ADAMTS12: variants seen among roughly 807,000 people sequenced by gnomAD.
The protein encoded by ADAMTS12 is A disintegrin and metalloproteinase with thrombospondin motifs 12.
Under a neutral mutation model 167.8 loss-of-function variants are expected in ADAMTS12, and 118 were observed. The ratio of observed to expected loss-of-function variants is 0.70; its 90% CI spans 0.61 to 0.82. The LOEUF (loss-of-function observed/expected upper bound fraction) is 0.82. ADAMTS12 is among the 40% of genes least tolerant of loss of function. The probability of loss-of-function intolerance (pLI) is 0.00; values close to 1 mark genes in which losing one functional copy is unlikely to be tolerated. For missense variants in ADAMTS12, 1,916 were observed against 1,998.8 expected (o/e 0.96, Z 0.79); for synonymous variants, 704 against 716.9 (o/e 0.98, Z 0.29).
chr5:33,889,929 G>C (rs1750783500), intron 1 of ADAMTS12, among the ~76,000 whole-genome samples: 1 of 152,186 alleles, frequency 6.6e-6, no homozygotes, highest in African/African-American at 2.4e-5. Context: ...TCCAGCCTGA[G>C]AGACAGAGCA....
At chr5:33,875,744 G>C (rs1750205621) in intron 2 of ADAMTS12, among the ~76,000 whole-genome samples, 1 of 152,124 alleles carries the variant, frequency 6.6e-6, no homozygotes, top group African/African-American at 2.4e-5. Flanking sequence ...CCTAAGACTG[G>C]AGAAAAGGCA....
intron 3 of ADAMTS12, among the ~76,000 whole-genome samples, chr5:33,730,813 T>C (rs1426964628): frequency 1.3e-5 from 2 of 152,272 alleles, no homozygotes; most frequent in African/African-American, 2.4e-5. Context: ...ACCCTTTGCA[T>C]GGTCCTTTAA....
At chr5:33,635,035 G>C (rs1740125142) in intron 12 of ADAMTS12, among the ~76,000 whole-genome samples, 1 of 151,992 alleles carries the variant, frequency 6.6e-6, no homozygotes, top group Admixed American at 6.6e-5. Flanking sequence ...CTGTATTGAT[G>C]TATTATATTA....
At chr5:33,845,512 G>C (rs1748912044) in intron 2 of ADAMTS12, among the ~76,000 whole-genome samples, 1 of 152,142 alleles carries the variant, frequency 6.6e-6, no homozygotes, top group Non-Finnish European at 1.5e-5. Flanking sequence ...ATTAAATAAT[G>C]ATGTTACATT....
chr5:33,579,502 T>C (rs1935139934), intron 18 of ADAMTS12, among the ~76,000 whole-genome samples: 1 of 152,278 alleles, frequency 6.6e-6, no homozygotes. Context: ...ACTTGAAATG[T>C]TGCTAATATC....
chr5:33,873,945 A>C (rs1048907266), intron 2 of ADAMTS12, among the ~76,000 whole-genome samples: 12 of 152,222 alleles, frequency 7.9e-5, no homozygotes, highest in African/African-American at 2.7e-4. Flanking sequence ...TGACAGAGTT[A>C]AATGTACAAT....
intron 7 of ADAMTS12, among the ~76,000 whole-genome samples, chr5:33,655,841 T>C (rs1009595135): frequency 1.3e-5 from 2 of 151,922 alleles, no homozygotes; most frequent in Non-Finnish European, 2.9e-5. Context: ...CAGTGTGTGA[T>C]GTTCCCCTCC....
chr5:33,715,525 G>T (rs1448286809), intron 3 of ADAMTS12, among the ~76,000 whole-genome samples: 5 of 152,058 alleles, frequency 3.3e-5, no homozygotes, highest in African/African-American at 1.2e-4. Context: ...TTGGCTAGGG[G>T]AATCTCTGGA....
At chr5:33,743,481 T>C (rs1744670498) in intron 3 of ADAMTS12, among the ~76,000 whole-genome samples, 1 of 152,160 alleles carries the variant, frequency 6.6e-6, no homozygotes, top group Non-Finnish European at 1.5e-5. Context: ...CATATCATCC[T>C]CCAAGGCCCC....
At chr5:33,880,907 AC>A (rs1329929676) in intron 2 of ADAMTS12, 1 of 613,134 alleles carries the variant, frequency 1.6e-6, no homozygotes, top group Non-Finnish European at 2.7e-6. Context: ...CCTCCTCTGA[AC>A]CCTCAGTGCC....
chr5:33,743,265 C>T (rs1355218180), intron 3 of ADAMTS12, among the ~76,000 whole-genome samples: 1 of 152,116 alleles, frequency 6.6e-6, no homozygotes, highest in Admixed American at 6.6e-5. Context: ...CAGCAGGCCT[C>T]GGAGGCAGTC....
chr5:33,797,636 C>T (rs28628874), intron 2 of ADAMTS12, among the ~76,000 whole-genome samples: 18 of 151,958 alleles, frequency 1.2e-4, no homozygotes, highest in African/African-American at 2.9e-4. Flanking sequence ...AGACTATGTT[C>T]GCATTCCTTA....
At chr5:33,540,516 C>T (rs1048488760) in intron 22 of ADAMTS12, among the ~76,000 whole-genome samples, 1 of 152,224 alleles carries the variant, frequency 6.6e-6, no homozygotes, top group Admixed American at 6.5e-5. Context: ...CAAGTGGGTC[C>T]CTGACCCTTG....
chr5:33,638,991 C>T (rs766551885), intron 11 of ADAMTS12, among the ~76,000 whole-genome samples: 1 of 152,104 alleles, frequency 6.6e-6, no homozygotes, highest in Admixed American at 6.6e-5. Context: ...GAGTGTGCCT[C>T]CTATCGCAGG....
chr5:33,799,075 C>T (rs931187072), intron 2 of ADAMTS12, among the ~76,000 whole-genome samples: 5 of 152,052 alleles, frequency 3.3e-5, no homozygotes, highest in Admixed American at 3.3e-4. Context: ...GGCAAATATA[C>T]AAGCAGTGGC....
intron 16 of ADAMTS12, among the ~76,000 whole-genome samples, chr5:33,602,596 G>A (rs1738243584): frequency 1.3e-5 from 2 of 152,190 alleles, no homozygotes; most frequent in Non-Finnish European, 2.9e-5. Context: ...TGTTAAATAA[G>A]TATCTGACTC....
intron 2 of ADAMTS12, among the ~76,000 whole-genome samples, chr5:33,792,512 A>G (rs1746617373): frequency 6.6e-6 from 1 of 152,144 alleles, no homozygotes; most frequent in African/African-American, 2.4e-5. Flanking sequence ...ATTGACATCC[A>G]ATTATTGAAT....
chr5:33,615,933 C>A lies in ADAMTS12; in HGVS notation c.2283G>T (p.Trp761Cys). 2 of 1,614,130 alleles carry A rather than the reference C, an allele frequency of 1.2e-6. No individual in the cohort carries two copies. Among genetic ancestry groups the A allele is most frequent in the Non-Finnish European group, 1.7e-6 (2 of 1,180,016 alleles). ...YYLNGGFIIQ[W>C]NGNYKLAGTV... ...TCCCTGCCAGCTTATAGTTCCCGTT[C>A]CACTGGATAATAAACCCTCCATTCA... is the stretch of plus-strand genomic sequence containing the variant. The change falls in exon 15 of 24, where the codon TGG becomes TGT. Residue 761 changes from tryptophan to cysteine, a missense_variant. Transcript: ENST00000504830.
At chr5:33,534,779 A>G (rs989797541) in intron 23 of ADAMTS12, 54 bp downstream of exon 23, 2 of 1,557,534 alleles carry the variant, frequency 1.3e-6, no homozygotes, top group African/African-American at 2.8e-5. Context: ...TGTATCATGC[A>G]GGATGACATT....
Sources: allele counts gnomAD v4.1 joint callset (sites outside exome capture counted in the v4.1 genomes callset), GRCh38; gene constraint gnomAD v4.1.1; transcripts MANE v1.5; gene names NCBI Gene and HGNC (gene_info 2026-07-23, HGNC 2026-07-21).